Variants in REL observed in about 807,000 individuals in gnomAD.
The protein encoded by REL is REL proto-oncogene, NF-kB subunit.
REL carries 15 observed loss-of-function variants against 45.9 expected under a neutral mutation model. That is an observed-to-expected ratio of 0.33 (90% confidence interval 0.22 to 0.50). The LOEUF is 0.50. Ranked by LOEUF, REL falls within the 20% of genes least tolerant of loss-of-function variation. The pLI, the probability that REL is intolerant of heterozygous loss-of-function variation, is 0.98. For missense variants in REL, 601 were observed against 715.2 expected (o/e 0.84, Z 1.82); for synonymous variants, 239 against 242.1 (o/e 0.99, Z 0.12).
At chr2:60,902,556 T>G (rs1342817930) in intron 4 of REL, among the ~76,000 whole-genome samples, 1 of 152,062 alleles carries the variant, frequency 6.6e-6, no homozygotes, top group African/African-American at 2.4e-5. Flanking sequence ...ACAGAATATT[T>G]TATTGTTTGG....
intron 8 of REL, 81 bp from the exon 9 acceptor site, chr2:60,920,493 G>C: frequency 1.8e-6 from 2 of 1,092,654 alleles, no homozygotes; most frequent in East Asian, 4.8e-5. Context: ...GAGCCACCAC[G>C]CCCGGCCAGT....
At chr2:60,917,386 A>G (rs1674003821) in intron 5 of REL, among the ~76,000 whole-genome samples, 2 of 152,098 alleles carry the variant, frequency 1.3e-5, no homozygotes, top group South Asian at 4.1e-4. Flanking sequence ...TCTTTTCAGT[A>G]GCAGCATATT....
chr2:60,907,451 C>G lies in REL; in HGVS notation c.394+6368C>G, dbSNP rs79589637. Among the ~76,000 whole-genome samples the G allele has an allele frequency of 4.3e-3, 654 of 151,830 alleles. 1 individual carries two copies. Among genetic ancestry groups the G allele is most frequent in the Middle Eastern group, 0.014 (4 of 294 alleles). On this transcript the variant is annotated intron_variant, in intron 4 of 9. Transcript: ENST00000394479. ...CACTTGAGTCTAGTTCGAGACCAGC[C>G]TGGGCAATGTGGTGAAACCCCATCT...
At chr2:60,906,910 TATA>T (rs1256621974) in intron 4 of REL, among the ~76,000 whole-genome samples, 15 of 89,066 alleles carry the variant, frequency 1.7e-4, no homozygotes, top group African/African-American at 2.5e-4. Flanking sequence ...TATATATATA[TATA>T]TTTTTTTTTT....
In REL at chr2:60,928,602, G is replaced by A. The variant is rs1674320769; in HGVS notation, c.*6067G>A. 1 of 133,398 alleles carries A rather than the reference G, an allele frequency of 7.5e-6. No individual in the cohort carries two copies. Among genetic ancestry groups the A allele is most frequent in the East Asian group, 2.1e-4 (1 of 4,814 alleles). The allele number at this position is 133,398 out of a possible 1,614,324, so 8.3% of individuals were successfully genotyped here. On this transcript the variant is annotated 3_prime_UTR_variant, in exon 10 of 10. Transcript: ENST00000394479. ...GATTCCCTATTTAATAAATGGTGCTGGGAAAACTGGCTAGCCATATGTAGA... is the reference window on the plus strand; with the variant it reads ...GATTCCCTATTTAATAAATGGTGCTAGGAAAACTGGCTAGCCATATGTAGA...
chr2:60,891,656 ACCT>A (rs1673218772), intron 1 of REL, 24 bp from the exon 2 acceptor site: 6 of 1,567,972 alleles, frequency 3.8e-6, no homozygotes, highest in South Asian at 3.5e-5. Context: ...AATCTCACTG[ACCT>A]CCTCCTTTTT....
intron 6 of REL, 40 bp from the exon 7 acceptor site, chr2:60,918,354 T>G (rs772470264): frequency 5.1e-6 from 8 of 1,578,116 alleles, no homozygotes; most frequent in Non-Finnish European, 6.9e-6. Flanking sequence ...GCAGTTACTT[T>G]GTTTTCCCAT....
At chr2:60,905,234 A>T (rs572043915) in intron 4 of REL, among the ~76,000 whole-genome samples, 2 of 152,232 alleles carry the variant, frequency 1.3e-5, no homozygotes, top group East Asian at 3.9e-4. Context: ...AGCTGGGACT[A>T]TAGGCACCCG....
intron 3 of REL, among the ~76,000 whole-genome samples, chr2:60,896,545 A>G (rs1673355965): frequency 6.6e-6 from 1 of 152,198 alleles, no homozygotes; most frequent in Non-Finnish European, 1.5e-5. Flanking sequence ...AAAAGAGATT[A>G]ATAGTCTCCA....
chr2:60,913,129 C>CT (rs1262204523), intron 4 of REL, among the ~76,000 whole-genome samples: 3 of 151,812 alleles, frequency 2.0e-5, no homozygotes, highest in Non-Finnish European at 2.9e-5. Context: ...AATTTGATTC[C>CT]TTTTTTTCAG....
chr2:60,896,463 CTTATA>C (rs1423083442), intron 3 of REL, among the ~76,000 whole-genome samples: 2 of 151,890 alleles, frequency 1.3e-5, no homozygotes, highest in African/African-American at 2.4e-5. Flanking sequence ...TTTCTTTTAA[CTTATA>C]TTTTATAATT....
intron 4 of REL, among the ~76,000 whole-genome samples, chr2:60,908,099 C>T (rs766051951): frequency 3.9e-5 from 6 of 152,068 alleles, no homozygotes; most frequent in East Asian, 1.9e-4. Flanking sequence ...CCTAATTATA[C>T]GGTATACTCA....
chr2:60,892,794 G>C (rs958523415), intron 2 of REL, among the ~76,000 whole-genome samples: 2 of 151,682 alleles, frequency 1.3e-5, no homozygotes, highest in African/African-American at 2.4e-5. Flanking sequence ...TCACTCTGTT[G>C]CCCAGGCTGG....
chr2:60,916,617 A>C (rs1673968464), intron 4 of REL, among the ~76,000 whole-genome samples: 1 of 152,168 alleles, frequency 6.6e-6, no homozygotes, highest in Non-Finnish European at 1.5e-5. Context: ...ATTAATGTCA[A>C]CTTGGGATTT....
rs970799284 is a variant in REL at position 60,922,348 on chromosome 2, A to T, written c.1577A>T (p.Gln526Leu). 4 of 1,614,168 alleles carry T rather than the reference A, an allele frequency of 2.5e-6. No individual in the cohort carries two copies. Among genetic ancestry groups the T allele is most frequent in the Non-Finnish European group, 2.5e-6 (3 of 1,180,018 alleles). The part of the protein sequence containing the change: ...ANSNTTVFVS[Q>L]SDAFEGSDFS... Reference sequence around the variant, plus strand: ...TCCAATACTACTGTTTTTGTTTCACAATCAGATGCATTTGAGGGATCTGAC... The same window carrying T: ...TCCAATACTACTGTTTTTGTTTCACTATCAGATGCATTTGAGGGATCTGAC... The change falls in exon 10 of 10, where the codon CAA becomes CTA. Residue 526 changes from glutamine (Q) to leucine (L), a missense_variant. This residue lies in a region of REL where 334 missense variants were observed against 333.1 expected (regional missense o/e 1.00). Coordinates refer to ENST00000394479, the MANE Select transcript of REL (RefSeq NM_001291746.2).
At chr2:60,899,220 T>C (rs1673433120) in intron 3 of REL, 1 of 152,240 alleles carries the variant, frequency 6.6e-6, no homozygotes, top group African/African-American at 2.4e-5. Flanking sequence ...GCATAGTGGC[T>C]CATGCCTATA....
intron 1 of REL, among the ~76,000 whole-genome samples, chr2:60,887,758 A>G (rs1482686867): frequency 6.6e-6 from 1 of 151,256 alleles, no homozygotes; most frequent in African/African-American, 2.4e-5. Context: ...AATAAATTCC[A>G]AGGACTTTAA....
intron 4 of REL, among the ~76,000 whole-genome samples, chr2:60,915,300 A>G (rs887314624): frequency 6.6e-6 from 1 of 152,238 alleles, no homozygotes; most frequent in African/African-American, 2.4e-5. Context: ...GAGAGACACT[A>G]ATATCTTGAA....
chr2:60,909,730 A>G (rs528758144), intron 4 of REL, among the ~76,000 whole-genome samples: 5 of 152,156 alleles, frequency 3.3e-5, no homozygotes, highest in Admixed American at 2.0e-4. Flanking sequence ...ATGAAACCCT[A>G]TCTCTACTAA....
Sources: allele counts gnomAD v4.1 joint callset (sites outside exome capture counted in the v4.1 genomes callset), GRCh38; gene constraint gnomAD v4.1.1; regional missense constraint gnomAD v4.1.1; transcripts MANE v1.5; gene names NCBI Gene and HGNC (gene_info 2026-07-23, HGNC 2026-07-21).